KCNH3: variants seen among roughly 807,000 people sequenced by gnomAD.
The protein encoded by KCNH3 is voltage-gated inwardly rectifying potassium channel KCNH3.
In KCNH3, 36 loss-of-function variants were observed where a neutral mutation model predicts 95.6. The ratio of observed to expected loss-of-function variants is 0.38; its 90% CI spans 0.29 to 0.50. The LOEUF (loss-of-function observed/expected upper bound fraction) is 0.50, where lower values mean the gene tolerates loss of function less well. Among genes scored for constraint, KCNH3 ranks in the 20% least tolerant of loss-of-function variants. The pLI is 0.95. For synonymous variants in KCNH3, 620 were observed against 646.3 expected, an observed-to-expected ratio of 0.96 and a Z score of 0.62; for missense variants, 1,030 against 1,484.1, an observed-to-expected ratio of 0.69 and a Z score of 5.03.
intron 10 of KCNH3, 145 bp from the exon 11 acceptor site, chr12:49,554,192 T>C: frequency 1.5e-6 from 1 of 689,620 alleles, no homozygotes; most frequent in Non-Finnish European, 2.5e-6. Flanking sequence ...CCCAGGCCTC[T>C]TTGCTCCTCT....
chr12:49,557,915 A>G lies in KCNH3; in HGVS notation c.3214A>G (p.Thr1072Ala), dbSNP rs771686991. The change falls in exon 15 of 15, where the codon ACA becomes GCA. Residue 1072 changes from threonine to alanine, a missense_variant. By Grantham distance (58) the Thr-to-Ala change is moderately conservative (BLOSUM62 0). Transcript: ENST00000257981. ...MVLIGCHGSG[T>A]VQWTQEEGTG... Reference sequence around the variant, plus strand: ...GCTTATTGGCTGCCATGGCTCTGGCACAGTCCAGTGGACCCAGGAAGAAGG... The same window carrying G: ...GCTTATTGGCTGCCATGGCTCTGGCGCAGTCCAGTGGACCCAGGAAGAAGG... 26 of 1,526,804 alleles carry G rather than the reference A, an allele frequency of 1.7e-5. No homozygotes were observed. The highest frequency in any genetic ancestry group is 2.2e-5 in the Non-Finnish European group (25 of 1,137,494). 94.6% of individuals were successfully genotyped at this position (1,526,804 alleles called of 1,614,324 possible).
intron 8 of KCNH3, 100 bp from the exon 9 acceptor site, chr12:49,549,341 G>T: frequency 6.7e-7 from 1 of 1,499,854 alleles, no homozygotes; most frequent in Non-Finnish European, 9.1e-7. Flanking sequence ...CGGCCTTCAG[G>T]CCTTGCCTAG....
In KCNH3 at chr12:49,539,773, C is replaced by T. The variant is rs1383034705; in HGVS notation, c.76+281C>T. Among the ~76,000 whole-genome samples, 2 of 152,188 alleles carry T rather than the reference C, an allele frequency of 1.3e-5. No homozygotes were observed. Among genetic ancestry groups the T allele is most frequent in the African/African-American group, 2.4e-5 (1 of 41,446 alleles). ...CTGTTAGCCGGGTCTCGAACCCGAA[C>T]CTAGTCAGTCTGACCCATCCCACCC... On this transcript the variant is annotated intron_variant, in intron 1 of 14. Transcript: ENST00000257981. This position sits in a 1 kb window ranked among gnomAD's most constrained non-coding sequence, Gnocchi z 6.7.
intron 6 of KCNH3, 30 bp from the exon 7 acceptor site, chr12:49,544,145 T>TTCCCAAC: frequency 2.4e-6 from 2 of 818,376 alleles, no homozygotes; most frequent in Non-Finnish European, 3.9e-6. Context: ...CTGACCTCCC[T>TTCCCAAC]CCCTCCCTCC....
At chr12:49,556,273 G>C (rs12822089) in intron 12 of KCNH3, 97 bp from the exon 13 acceptor site, 1 of 890,858 alleles carries the variant, frequency 1.1e-6, no homozygotes, top group Admixed American at 1.8e-5. Flanking sequence ...CCACGCTCCT[G>C]CAGCCTGTGT....
In KCNH3 at chr12:49,539,389, A is replaced by C; in HGVS notation, c.-28A>C. On this transcript the variant is annotated 5_prime_UTR_variant, in exon 1 of 15. An upstream start codon of the reference 5' UTR is lost. Transcript: ENST00000257981. This position sits in a 1 kb window ranked among gnomAD's most constrained non-coding sequence, Gnocchi z 6.7. ...CGCGGAGTCCCCGCACCCCGGAGGG[A>C]TGGGGCGGGCAGCCGCGGGCGCCTA... is the stretch of plus-strand genomic sequence containing the variant. 6.6e-7 allele frequency: 1 copy of C among 1,504,474 alleles called. No homozygotes were observed. The highest frequency in any genetic ancestry group is 8.8e-7 in the Non-Finnish European group (1 of 1,130,872). The allele number at this position is 1,504,474 out of a possible 1,614,324, so 93.2% of individuals were successfully genotyped here.
In KCNH3 at chr12:49,539,408, G is replaced by A. The variant is rs1937790962; in HGVS notation, c.-9G>A. Reference sequence around the variant, plus strand: ...GGAGGGATGGGGCGGGCAGCCGCGGGCGCCTAAGATGCCGGCCATGCGGGG... The same window carrying A: ...GGAGGGATGGGGCGGGCAGCCGCGGACGCCTAAGATGCCGGCCATGCGGGG... On this transcript the variant is annotated 5_prime_UTR_variant, in exon 1 of 15. Transcript: ENST00000257981. The surrounding 1 kb of genome is among the most constrained non-coding windows in gnomAD (Gnocchi z 6.7). 2.6e-6 allele frequency: 4 copies of A among 1,542,722 alleles called. No homozygotes were observed. The South Asian group carries it at 3.6e-5, about 14-fold the overall frequency.
At chr12:49,547,852 C>T (rs1015987489) in intron 7 of KCNH3, among the ~76,000 whole-genome samples, 3 of 151,976 alleles carry the variant, frequency 2.0e-5, no homozygotes, top group South Asian at 2.1e-4. Context: ...TCAGCCAATC[C>T]GCCCTCTCTC....
At chr12:49,553,714 A>C (rs7963130) in intron 10 of KCNH3, among the ~76,000 whole-genome samples, 32 of 152,198 alleles carry the variant, frequency 2.1e-4, no homozygotes, top group African/African-American at 7.7e-4. Context: ...ACCTCCATTG[A>C]CCCCTTCTGG....
chr12:49,547,413 C>G (rs1389675299), intron 7 of KCNH3, among the ~76,000 whole-genome samples: 1 of 152,240 alleles, frequency 6.6e-6, no homozygotes, highest in Non-Finnish European at 1.5e-5. Flanking sequence ...AGGAATGACC[C>G]CCTCAGTTTC....
intron 7 of KCNH3, among the ~76,000 whole-genome samples, chr12:49,545,642 C>T (rs1470163009): frequency 2.0e-5 from 3 of 152,028 alleles, no homozygotes; most frequent in Non-Finnish European, 2.9e-5. Context: ...CCACCTGCCT[C>T]GGCCTCCCAA....
In KCNH3 at chr12:49,558,055, C is replaced by A. The variant is rs908424732; in HGVS notation, c.*102C>A. On this transcript the variant is annotated 3_prime_UTR_variant, in exon 15 of 15. Transcript: ENST00000257981. ...TGGCAGCCTCCCCACGGACTCCATG[C>A]GGCCCGCTGGCTCAGGGCAGGGAGC... 6 of 1,314,706 alleles carry A rather than the reference C, an allele frequency of 4.6e-6. No homozygotes were observed. The highest frequency in any genetic ancestry group is 5.0e-6 in the Non-Finnish European group (5 of 1,001,202). The allele number at this position is 1,314,706 out of a possible 1,614,324, so 81.4% of individuals were successfully genotyped here. A position where few individuals can be genotyped will look rare whatever the true frequency, so the allele number is the denominator to read the frequency against.
chr12:49,550,045 C>G, intron 9 of KCNH3, 35 bp from the exon 10 acceptor site: 6 of 984,198 alleles, frequency 6.1e-6, no homozygotes, highest in East Asian at 2.9e-5. Flanking sequence ...TCTGCCACTC[C>G]CAACCCCCCC....
intron 10 of KCNH3, 53 bp from the exon 11 acceptor site, chr12:49,554,284 C>A: frequency 6.9e-7 from 1 of 1,448,920 alleles, no homozygotes. Flanking sequence ...CCCCTCTTCT[C>A]TCCTCATGGC....
At chr12:49,549,256 T>A (rs1319609871) in intron 8 of KCNH3, 83 bp downstream of exon 8, 1 of 1,494,594 alleles carries the variant, frequency 6.7e-7, no homozygotes, top group African/African-American at 1.4e-5. Context: ...CCGGAGGGCC[T>A]GAGGCCGGGG....
rs1020808035 is a variant in KCNH3, at chr12:49,544,413, G to A, written c.1189+31G>A. 2.5e-6 allele frequency: 4 copies of A among 1,606,324 alleles called. No individual in the cohort carries two copies. The African/African-American group carries it at 5.3e-5, about 21-fold the overall frequency. On this transcript the variant is annotated intron_variant, in intron 7 of 14. Transcript: ENST00000257981. ...GGAGGCTCCCTCTGCATGTGGTGGG[G>A]AGGGAGTTGTGTCAGAGGAGTGTGA...
chr12:49,548,849 G>C, intron 7 of KCNH3, 46 bp from the exon 8 acceptor site: 1 of 1,499,034 alleles, frequency 6.7e-7, no homozygotes. Context: ...CGGCATCCTC[G>C]CCCACAGTCT....
rs1343923153 is a variant in KCNH3 at position 49,549,189 on chromosome 12, C to T, written c.1468+16C>T. 1 of 1,565,940 alleles carries T rather than the reference C, an allele frequency of 6.4e-7. No homozygotes were observed. The highest frequency in any genetic ancestry group is 2.3e-5 in the East Asian group (1 of 44,172). On this transcript the variant is annotated intron_variant, in intron 8 of 14. Coordinates refer to ENST00000257981, the MANE Select transcript of KCNH3 (RefSeq NM_012284.3). Reference sequence around the variant, plus strand: ...CTCATCGGCGGTGAGCCCGGCCGCGCGCGTCTTCCCGGGGCCACTCCCAGA... The same window carrying T: ...CTCATCGGCGGTGAGCCCGGCCGCGTGCGTCTTCCCGGGGCCACTCCCAGA...
rs201066285 is a variant in KCNH3 at position 49,556,425 on chromosome 12, C to T, written c.2524C>T (p.Arg842Cys). 1.2e-5 allele frequency: 19 copies of T among 1,614,056 alleles called. No individual in the cohort carries two copies. Among genetic ancestry groups the T allele is most frequent in the East Asian group, 6.7e-5 (3 of 44,878 alleles). Residue 842 changes from arginine to cysteine, a missense_variant, in exon 13 of 15, where the codon CGC becomes TGC. Arg to Cys is a radical substitution (Grantham distance 180, BLOSUM62 -3). Around this residue, in one of 9 missense-constraint regions of KCNH3, gnomAD observed 464 missense variants for 493.2 expected, o/e 0.94. Coordinates refer to ENST00000257981, the MANE Select transcript of KCNH3 (RefSeq NM_012284.3). ...CGSDQPKFSF[R>C]VGQSGPECSS... is the part of the protein sequence containing the mutation. ...CTCGGACCAGCCCAAGTTCTCTTTC[C>T]GCGTGGGCCAGTCTGGCCCGGAATG...
Sources: gnomAD v4.1 joint callset for allele counts (sites outside exome capture counted in the v4.1 genomes callset) on GRCh38, gnomAD v4.1.1 for gene constraint, gnomAD v4.1.1 regional missense constraint, Gnocchi (gnomAD v3.1) non-coding constraint, MANE v1.5 for transcripts, NCBI Gene and HGNC (gene_info 2026-07-23, HGNC 2026-07-21) for gene names.